The following ERBIN variants were observed in gnomAD, a reference collection of about 807,000 sequenced individuals.
ERBIN encodes erbb2 interacting protein, also known as densin-180-like protein.
ERBIN carries 60 observed loss-of-function variants against 158.4 expected under a neutral mutation model. That is an observed-to-expected ratio of 0.38 (90% CI 0.31 to 0.47). The LOEUF (loss-of-function observed/expected upper bound fraction) is 0.47. Ranked by LOEUF, ERBIN falls within the 20% of genes least tolerant of loss-of-function variation. The pLI, the probability that ERBIN is intolerant of heterozygous loss-of-function variation, is 0.99. For synonymous variants in ERBIN, 594 were observed against 557.2 expected (o/e 1.07, Z -0.93); for missense variants, 1,610 against 1,648.0 (o/e 0.98, Z 0.40).
At chr5:66,048,491 G>T (rs1758682003) in intron 18 of ERBIN, among the ~76,000 whole-genome samples, 176 bp from the exon 19 acceptor site, 1 of 151,766 alleles carries the variant, frequency 6.6e-6, no homozygotes, top group African/African-American at 2.4e-5. Flanking sequence ...AAGGATAGAG[G>T]TACAAATTGT....
At chr5:66,021,131 T>C (rs1410724472) in intron 7 of ERBIN, among the ~76,000 whole-genome samples, 191 bp from the exon 8 acceptor site, 2 of 151,454 alleles carry the variant, frequency 1.3e-5, no homozygotes, top group Non-Finnish European at 3.0e-5. Context: ...CAAAATAAGA[T>C]AATAACTGAT....
intron 18 of ERBIN, among the ~76,000 whole-genome samples, chr5:66,046,979 C>G (rs571743513): frequency 6.6e-6 from 1 of 152,048 alleles, no homozygotes. Context: ...TGAGATATAA[C>G]TCACATATCA....
At chr5:66,068,012 AG>A (rs1761175994) in intron 21 of ERBIN, among the ~76,000 whole-genome samples, 1 of 152,144 alleles carries the variant, frequency 6.6e-6, no homozygotes, top group Admixed American at 6.5e-5. Context: ...CTCTAATGCA[AG>A]ATATTTTTCT....
chr5:66,045,819 T>C (rs770366187), intron 17 of ERBIN, among the ~76,000 whole-genome samples: 1 of 152,226 alleles, frequency 6.6e-6, no homozygotes, highest in African/African-American at 2.4e-5. Flanking sequence ...TTTTTCCCCC[T>C]GTTAATATTG....
At position 66,048,747 on chromosome 5, in the gene ERBIN, G is replaced by T. The variant is rs746371625; in HGVS notation, c.1869G>T (p.Gln623His). The T allele has an allele frequency of 1.9e-6, 3 of 1,606,522 alleles. No individual in the cohort carries two copies. The highest frequency in any genetic ancestry group is 2.6e-6 in the Non-Finnish European group (3 of 1,176,368). Reference sequence around the variant, plus strand: ...CATTAATTGAAACCTCTATTAACCAGCCAAAAGTCGTAGCACTTAGTAATA... The same window carrying T: ...CATTAATTGAAACCTCTATTAACCATCCAAAAGTCGTAGCACTTAGTAATA... ...RPPLIETSINQPKVVALSNNK... is the reference protein window; with the variant it reads ...RPPLIETSINHPKVVALSNNK... The change falls in exon 19 of 26, where the codon CAG (glutamine) becomes CAT (histidine). Residue 623 changes from glutamine to histidine, a missense_variant. By Grantham distance (24) the Gln-to-His change is conservative (BLOSUM62 0). Transcript: ENST00000284037.
At chr5:65,992,601 G>A (rs1751994245) in intron 2 of ERBIN, 109 bp from the exon 3 acceptor site, 1 of 745,174 alleles carries the variant, frequency 1.3e-6, no homozygotes, top group Non-Finnish European at 2.1e-6. Context: ...TATAGTGGCA[G>A]GAGAAGTGTT....
chr5:65,939,494 G>A (rs1393908232), intron 1 of ERBIN, among the ~76,000 whole-genome samples: 2 of 151,662 alleles, frequency 1.3e-5, no homozygotes, highest in East Asian at 3.9e-4. Flanking sequence ...CACCAAGAGA[G>A]GTGCCTCCGC....
chr5:66,041,740 A>C, intron 15 of ERBIN, among the ~76,000 whole-genome samples: 1 of 152,144 alleles, frequency 6.6e-6, no homozygotes, highest in Non-Finnish European at 1.5e-5. Flanking sequence ...GCCCTGGAAC[A>C]AGGGAGAGGG....
intron 14 of ERBIN, among the ~76,000 whole-genome samples, chr5:66,035,424 A>G (rs1259107515): frequency 1.3e-5 from 2 of 152,134 alleles, no homozygotes; most frequent in East Asian, 3.9e-4. Context: ...GCAACCCTTA[A>G]CTACTGTTTT....
chr5:66,071,701 C>G (rs1761544302), intron 21 of ERBIN, among the ~76,000 whole-genome samples: 1 of 148,242 alleles, frequency 6.7e-6, no homozygotes. Context: ...GGGTACTGTT[C>G]TATTGAAAGA....
At chr5:65,950,290 G>GC (rs1746344655) in intron 1 of ERBIN, among the ~76,000 whole-genome samples, 1 of 152,120 alleles carries the variant, frequency 6.6e-6, no homozygotes, top group African/African-American at 2.4e-5. Flanking sequence ...CAGGCGCCCG[G>GC]CCTCAGGTCT....
intron 22 of ERBIN, 135 bp downstream of exon 22, chr5:66,072,426 A>G (rs1016572800): frequency 2.4e-5 from 20 of 833,514 alleles, no homozygotes; most frequent in Non-Finnish European, 3.3e-5. Context: ...AAGGATTTTT[A>G]AAATATCAGA....
At chr5:66,012,789 T>C (rs1344443667) in intron 5 of ERBIN, among the ~76,000 whole-genome samples, 1 of 152,248 alleles carries the variant, frequency 6.6e-6, no homozygotes, top group African/African-American at 2.4e-5. Flanking sequence ...TCTAGATCTT[T>C]ACTTGTTTCA....
At chr5:65,986,436 T>C (rs1751245373) in intron 1 of ERBIN, among the ~76,000 whole-genome samples, 1 of 152,218 alleles carries the variant, frequency 6.6e-6, no homozygotes, top group South Asian at 2.1e-4. Context: ...TTTGTTGTTG[T>C]TGTTTTTTGT....
intron 1 of ERBIN, among the ~76,000 whole-genome samples, chr5:65,947,069 G>A (rs1580116138): frequency 6.6e-6 from 1 of 151,984 alleles, no homozygotes; most frequent in African/African-American, 2.4e-5. Flanking sequence ...AATTCTAACA[G>A]CATCTTTTGC....
In ERBIN at chr5:66,054,836, C is replaced by G; in HGVS notation, c.3518C>G (p.Pro1173Arg). ...NYSRTSPSKR[P>R]NARVGSEHSL... ...TCACGGACTAGTCCTTCAAAAAGACCAAATGCAAGGGTTGGTTCTGAGCAT... is the reference window on the plus strand; with the variant it reads ...TCACGGACTAGTCCTTCAAAAAGACGAAATGCAAGGGTTGGTTCTGAGCAT... The change falls in exon 21 of 26, where the codon CCA (proline) becomes CGA (arginine). Residue 1173 changes from proline to arginine, a missense_variant. By Grantham distance (103) the Pro-to-Arg change is moderately radical. Transcript: ENST00000284037. 6.2e-7 allele frequency: 1 copy of G among 1,614,028 alleles called. No homozygotes were observed. Among genetic ancestry groups the G allele is most frequent in the Non-Finnish European group, 8.5e-7 (1 of 1,179,992 alleles).
chr5:65,991,084 C>T (rs746795261), intron 2 of ERBIN, among the ~76,000 whole-genome samples: 1 of 152,104 alleles, frequency 6.6e-6, no homozygotes, highest in Non-Finnish European at 1.5e-5. Flanking sequence ...AAAAAGATTG[C>T]AAGGGAAATA....
chr5:65,960,961 TATC>T (rs1427843196), intron 1 of ERBIN, among the ~76,000 whole-genome samples: 1 of 152,202 alleles, frequency 6.6e-6, no homozygotes, highest in African/African-American at 2.4e-5. Flanking sequence ...ACGAAAATGT[TATC>T]ATGTATTTTC....
At chr5:66,065,863 A>G (rs1476365245) in intron 21 of ERBIN, among the ~76,000 whole-genome samples, 1 of 152,140 alleles carries the variant, frequency 6.6e-6, no homozygotes, top group Non-Finnish European at 1.5e-5. Context: ...CTGAGCAGAT[A>G]TAGTACTTTA....
Sources: gnomAD v4.1 joint callset for allele counts (sites outside exome capture counted in the v4.1 genomes callset) on GRCh38, gnomAD v4.1.1 for gene constraint, MANE v1.5 for transcripts, NCBI Gene and HGNC (gene_info 2026-07-23, HGNC 2026-07-21) for gene names.